BRIP1: variants seen among roughly 807,000 people sequenced by gnomAD.
The protein encoded by BRIP1 is BRCA1 interacting DNA helicase 1, also known as Fanconi anemia group J protein.
In BRIP1, 88 loss-of-function variants were observed where a neutral mutation model predicts 119.7. That is an observed-to-expected ratio of 0.74 (90% CI 0.62 to 0.88). BRIP1 has a LOEUF of 0.88. Ranked by LOEUF, BRIP1 falls within the 40% of genes least tolerant of loss-of-function variation. The probability of loss-of-function intolerance (pLI) is 0.00; values close to 1 mark genes in which losing one functional copy is unlikely to be tolerated. For synonymous variants in BRIP1, 443 were observed against 496.5 expected, an observed-to-expected ratio of 0.89 and a Z score of 1.43; for missense variants, 1,259 against 1,455.4, an observed-to-expected ratio of 0.87 and a Z score of 2.20.
Position 61,808,105 on chromosome 17 carries a change from A to C in BRIP1, c.918+362T>G, listed in dbSNP as rs2078100425. On this transcript the variant is annotated intron_variant, in intron 7 of 19. Coordinates refer to ENST00000259008, the MANE Select transcript of BRIP1 (RefSeq NM_032043.3). This position sits in a 1 kb window ranked among gnomAD's most constrained non-coding sequence, Gnocchi z 4.1. ...TGCTTTTGAAGTTTTTAAGTATATA[A>C]AGTATATTAATTAGATCTAATTAGA... is the stretch of plus-strand genomic sequence containing the variant. Among the ~76,000 whole-genome samples, 1 of 152,150 alleles carries C rather than the reference A, an allele frequency of 6.6e-6. No homozygotes were observed. The highest frequency in any genetic ancestry group is 1.5e-5 in the Non-Finnish European group (1 of 67,998).
At chr17:61,788,600 A>G (rs2077768703) in intron 10 of BRIP1, among the ~76,000 whole-genome samples, 1 of 152,220 alleles carries the variant, frequency 6.6e-6, no homozygotes, top group Non-Finnish European at 1.5e-5. Flanking sequence ...AACAAATGTG[A>G]CAAATTAGAG....
At position 61,851,182 on chromosome 17, in the gene BRIP1, C is replaced by T. The variant is rs1180053578; in HGVS notation, c.380-1926G>A. 2.0e-5 allele frequency among the ~76,000 whole-genome samples: 3 copies of T among 151,834 alleles called. No homozygotes were observed. The highest frequency in any genetic ancestry group is 2.9e-5 in the Non-Finnish European group (2 of 67,962). The stretch of plus-strand genomic sequence containing the variant: ...GGCAGAGGTTGCAGTGAGCCAAGAT[C>T]GCACCACTGCACTCCAGCCTAGGTG... On this transcript the variant is annotated intron_variant, in intron 4 of 19. Coordinates refer to ENST00000259008, the MANE Select transcript of BRIP1 (RefSeq NM_032043.3). This position sits in a 1 kb window ranked among gnomAD's most constrained non-coding sequence, Gnocchi z 4.6.
Position 61,728,349 on chromosome 17 carries a change from C to T in BRIP1, c.2380-12286G>A, listed in dbSNP as rs2076798616. 4.6e-5 allele frequency among the ~76,000 whole-genome samples: 7 copies of T among 151,294 alleles called. No individual in the cohort carries two copies. The South Asian group carries it at 1.5e-3, about 32-fold the overall frequency. ...AAAAAACCCCAGACATTTCTTTTTC[C>T]CTCACCTGTCAGAGAAACTGCCTTT... On this transcript the variant is annotated intron_variant, in intron 16 of 19. Coordinates refer to ENST00000259008, the MANE Select transcript of BRIP1 (RefSeq NM_032043.3).
chr17:61,841,510 CAGTT>C lies in BRIP1; in HGVS notation c.627+5587_627+5590del, dbSNP rs879369807. Among the ~76,000 whole-genome samples, 17 of 151,980 alleles carry C rather than the reference CAGTT, an allele frequency of 1.1e-4. No individual in the cohort carries two copies. The highest frequency in any genetic ancestry group is 4.6e-4 in the Admixed American group (7 of 15,260). On this transcript the variant is annotated intron_variant, in intron 6 of 19. Transcript: ENST00000259008. This position sits in a 1 kb window ranked among gnomAD's most constrained non-coding sequence, Gnocchi z 4.1. ...AAGCACAATAAGATATCATCTCACT[CAGTT>C]AGAATGGCTTACTATCGAAAAGACA... is the stretch of plus-strand genomic sequence containing the variant.
chr17:61,792,441 T>C (rs2077832556), intron 10 of BRIP1, among the ~76,000 whole-genome samples: 1 of 152,200 alleles, frequency 6.6e-6, no homozygotes. Flanking sequence ...AGTAGGTGAA[T>C]GGATAAACTG....
chr17:61,830,596 T>C (rs762565430), intron 6 of BRIP1, among the ~76,000 whole-genome samples: 11 of 152,272 alleles, frequency 7.2e-5, no homozygotes, highest in South Asian at 6.2e-4. Context: ...TATTGAAAGA[T>C]ACTAATTACT....
chr17:61,840,291 G>C lies in BRIP1; in HGVS notation c.627+6810C>G, dbSNP rs1047147353. The stretch of plus-strand genomic sequence containing the variant: ...GAGAATCACTTGAACCCAGGAGGCA[G>C]AAGTTGCAGTGAGCCGAGATCGCCC... On this transcript the variant is annotated intron_variant, in intron 6 of 19. Coordinates refer to ENST00000259008, the MANE Select transcript of BRIP1 (RefSeq NM_032043.3). Among the ~76,000 whole-genome samples the C allele has an allele frequency of 1.8e-4, 25 of 139,194 alleles. No homozygotes were observed. In the Admixed American group the frequency reaches 2.0e-3, roughly 11 times the overall value. 91.3% of individuals were successfully genotyped at this position (139,194 alleles called of 152,430 possible). A position where few individuals can be genotyped will look rare whatever the true frequency, so the allele number is the denominator to read the frequency against.
chr17:61,701,319 A>T lies in BRIP1; in HGVS notation c.2493-7807T>A, dbSNP rs532129255. ...GTTTTTTGTTCTTGTAATTTTTCTA[A>T]AATAATCTTGTAAAGTCTGTATTGT... On this transcript the variant is annotated intron_variant, in intron 17 of 19. Transcript: ENST00000259008. This position sits in a 1 kb window ranked among gnomAD's most constrained non-coding sequence, Gnocchi z 5.1. 5.3e-4 allele frequency among the ~76,000 whole-genome samples: 81 copies of T among 152,160 alleles called. No individual in the cohort carries two copies. Among genetic ancestry groups the T allele is most frequent in the Non-Finnish European group, 1.1e-3 (73 of 68,018 alleles).
At position 61,780,950 on chromosome 17, in the gene BRIP1, T is replaced by C. The variant is rs45533636; in HGVS notation, c.1684A>G (p.Ile562Val). The part of the protein sequence containing the change: ...IQQTYSWTNQ[I>V]DISDKNGLLV... ...AACCCATTTTTGTCTGAAATATCAA[T>C]CTGATTTGTCCAGGAGTAAGTCTGT... Residue 562 changes from isoleucine (I) to valine (V), a missense_variant, in exon 12 of 20, where the codon ATT (isoleucine) becomes GTT (valine). Ile to Val is a conservative substitution (Grantham distance 29, BLOSUM62 3). Coordinates refer to ENST00000259008, the MANE Select transcript of BRIP1 (RefSeq NM_032043.3). The surrounding 1 kb of genome is among the most constrained non-coding windows in gnomAD (Gnocchi z 5.4). 2.2e-5 allele frequency: 36 copies of C among 1,613,980 alleles called. No homozygotes were observed. The highest frequency in any genetic ancestry group is 2.9e-5 in the Non-Finnish European group (34 of 1,180,018).
chr17:61,759,005 CATAAATAA>C lies in BRIP1; in HGVS notation c.2098-14422_2098-14415del, dbSNP rs59441826. Among the ~76,000 whole-genome samples the C allele has an allele frequency of 1.2e-3, 161 of 137,068 alleles. No individual in the cohort carries two copies. Among genetic ancestry groups the C allele is most frequent in the Middle Eastern group, 3.6e-3 (1 of 280 alleles). The allele number at this position is 137,068 out of a possible 152,430, so 89.9% of individuals were successfully genotyped here. ...CCTGGGTGACAGAGCAAGACCCTGTCATAAATAAATAAATAAATAAATAAATAAATAAA... is the reference window on the plus strand; with the variant it reads ...CCTGGGTGACAGAGCAAGACCCTGTCATAAATAAATAAATAAATAAATAAA... On this transcript the variant is annotated intron_variant, in intron 14 of 19. Transcript: ENST00000259008. The surrounding 1 kb of genome is among the most constrained non-coding windows in gnomAD (Gnocchi z 4.9).
chr17:61,727,770 G>GTCTC (rs113514842), intron 16 of BRIP1, among the ~76,000 whole-genome samples: 1 of 140,444 alleles, frequency 7.1e-6, no homozygotes, highest in East Asian at 2.0e-4. Context: ...CTGTCTGTCT[G>GTCTC]TCTCTCTCTC....
Position 61,683,959 on chromosome 17 carries a change from AC to A in BRIP1, c.3086del (p.Ser1029MetfsTer30), listed in dbSNP as rs773433456. The A allele has an allele frequency of 6.2e-7, 1 of 1,614,172 alleles. No homozygotes were observed. The highest frequency in any genetic ancestry group is 8.5e-7 in the Non-Finnish European group (1 of 1,180,018). ...TTTTGAAACGGGGAGGACTAGAGGC[AC>A]TATTCTCTGATGACCCGAGCTCAGG... The part of the protein sequence containing the change: ...ATPELGSSEN[S>X]ASSPPRFKTE... On this transcript the variant is annotated frameshift_variant, in exon 20 of 20. Coordinates refer to ENST00000259008, the MANE Select transcript of BRIP1 (RefSeq NM_032043.3). LOFTEE classifies it low-confidence loss of function (END_TRUNC). This position sits in a 1 kb window ranked among gnomAD's most constrained non-coding sequence, Gnocchi z 4.7.
At chr17:61,840,673 C>A (rs1303391166) in intron 6 of BRIP1, among the ~76,000 whole-genome samples, 1 of 152,136 alleles carries the variant, frequency 6.6e-6, no homozygotes, top group East Asian at 1.9e-4. Flanking sequence ...AAGCAACCTA[C>A]AGATTCAATG....
intron 9 of BRIP1, among the ~76,000 whole-genome samples, chr17:61,797,538 A>G (rs553843969): frequency 2.6e-5 from 4 of 152,174 alleles, no homozygotes; most frequent in Admixed American, 2.6e-4. Flanking sequence ...GAAGAATGTC[A>G]AGTGAGAAAA....
intron 16 of BRIP1, among the ~76,000 whole-genome samples, chr17:61,731,566 G>A (rs923588629): frequency 1.3e-5 from 2 of 152,192 alleles, no homozygotes. Flanking sequence ...CTTGGAAACT[G>A]CTATCCTCTT....
chr17:61,683,510 ACTT>A lies in BRIP1; in HGVS notation c.3533_3535del (p.Glu1178del), dbSNP rs1567727749. 5.0e-6 allele frequency: 8 copies of A among 1,613,508 alleles called. No individual in the cohort carries two copies. Among genetic ancestry groups the A allele is most frequent in the Non-Finnish European group, 6.8e-6 (8 of 1,179,870 alleles). Reference sequence around the variant, plus strand: ...AGCTTTCACTTCTCTGGCTGAATCTACTTCTTTTATAGTTCTAATTTCAAAAAG... The same window carrying A: ...AGCTTTCACTTCTCTGGCTGAATCTACTTTTATAGTTCTAATTTCAAAAAG... On this transcript the variant is annotated inframe_deletion, in exon 20 of 20. Transcript: ENST00000259008. The surrounding 1 kb of genome is among the most constrained non-coding windows in gnomAD (Gnocchi z 4.7).
Position 61,823,147 on chromosome 17 carries a change from G to A in BRIP1, c.628-14390C>T, listed in dbSNP as rs1313369090. On this transcript the variant is annotated intron_variant, in intron 6 of 19. Coordinates refer to ENST00000259008, the MANE Select transcript of BRIP1 (RefSeq NM_032043.3). The surrounding 1 kb of genome is among the most constrained non-coding windows in gnomAD (Gnocchi z 4.8). The stretch of plus-strand genomic sequence containing the variant: ...ATCTTCTGAATGAAACGTTAACCTT[G>A]CACAAGTAATGCAACATCTGGCTTA... Among the ~76,000 whole-genome samples, 1 of 152,150 alleles carries A rather than the reference G, an allele frequency of 6.6e-6. No homozygotes were observed. Among genetic ancestry groups the A allele is most frequent in the Non-Finnish European group, 1.5e-5 (1 of 68,036 alleles).
intron 14 of BRIP1, among the ~76,000 whole-genome samples, chr17:61,773,696 G>A (rs947462516): frequency 4.6e-5 from 7 of 151,776 alleles, no homozygotes; most frequent in Non-Finnish European, 7.4e-5. Context: ...TCTGACAAAG[G>A]GCTAATATCT....
At chr17:61,707,343 C>T (rs200535479) in intron 17 of BRIP1, among the ~76,000 whole-genome samples, 6 of 151,832 alleles carry the variant, frequency 4.0e-5, no homozygotes, top group African/African-American at 9.7e-5. Flanking sequence ...TCTTTATCCC[C>T]GGTACTTGGA....
Sources: gnomAD v4.1 joint callset for allele counts (sites outside exome capture counted in the v4.1 genomes callset) on GRCh38, gnomAD v4.1.1 for gene constraint, Gnocchi (gnomAD v3.1) non-coding constraint, MANE v1.5 for transcripts, NCBI Gene and HGNC (gene_info 2026-07-23, HGNC 2026-07-21) for gene names.